Variants in CLVS1 observed in about 807,000 individuals in gnomAD.
The protein encoded by CLVS1 is clavesin-1.
In CLVS1, 10 loss-of-function variants were observed where a neutral mutation model predicts 33.1. That is an observed-to-expected ratio of 0.30 (90% CI 0.19 to 0.51). The LOEUF (loss-of-function observed/expected upper bound fraction) is 0.51, where lower values mean the gene tolerates loss of function less well. Among genes scored for constraint, CLVS1 ranks in the 20% least tolerant of loss-of-function variants. The pLI is 0.97. For synonymous variants in CLVS1, 163 were observed against 166.1 expected (o/e 0.98, Z 0.14); for missense variants, 343 against 433.4 (o/e 0.79, Z 1.85).
At chr8:61,448,957 A>G (rs1263162651) in intron 3 of CLVS1, among the ~76,000 whole-genome samples, 4 of 152,034 alleles carry the variant, frequency 2.6e-5, no homozygotes, top group African/African-American at 9.7e-5. Context: ...TCTTGGTATA[A>G]AGAGTGATTT....
At chr8:61,016,397 G>A in the CLVS1 span, among the ~76,000 whole-genome samples, 99 of 152,332 alleles carry the variant, frequency 6.5e-4, no homozygotes, top group Admixed American at 1.4e-3. Flanking sequence ...ACTCTTAAGA[G>A]GTTTATCTTG....
chr8:61,356,760 T>C (rs1320664573), intron 2 of CLVS1, among the ~76,000 whole-genome samples: 1 of 152,216 alleles, frequency 6.6e-6, no homozygotes, highest in African/African-American at 2.4e-5. Context: ...CTCTGTTCTG[T>C]TCCATTGATC....
At chr8:61,070,621 C>G (rs938376194) in intron 1 of CLVS1, among the ~76,000 whole-genome samples, 1 of 152,236 alleles carries the variant, frequency 6.6e-6, no homozygotes, top group Non-Finnish European at 1.5e-5. Flanking sequence ...AGGAGGATCA[C>G]TTGAGCCCAG....
chr8:61,193,191 TA>T (rs1807530218), intron 2 of CLVS1, among the ~76,000 whole-genome samples: 1 of 152,022 alleles, frequency 6.6e-6, no homozygotes. Context: ...TATGCAGCCA[TA>T]AAAAAGGGTG....
chr8:61,240,432 C>T (rs774047016), intron 2 of CLVS1, among the ~76,000 whole-genome samples: 1 of 152,196 alleles, frequency 6.6e-6, no homozygotes, highest in Non-Finnish European at 1.5e-5. Context: ...CACAATAGCC[C>T]TCTGCCCAGC....
At chr8:61,081,310 G>A (rs76562360) in intron 1 of CLVS1, among the ~76,000 whole-genome samples, 8,883 of 152,186 alleles carry the variant, frequency 0.058, 282 homozygotes, top group Middle Eastern at 0.12. Context: ...GAGGCAGAAT[G>A]TACATGATTT....
At chr8:61,359,557 T>C (rs986507389) in intron 2 of CLVS1, among the ~76,000 whole-genome samples, 2 of 152,148 alleles carry the variant, frequency 1.3e-5, no homozygotes, top group Non-Finnish European at 2.9e-5. Flanking sequence ...GGTTTCACCA[T>C]GTTGGCCAGG....
intron 5 of CLVS1, 157 bp downstream of exon 5, chr8:61,458,699 A>C: frequency 1.7e-6 from 1 of 592,378 alleles, no homozygotes; most frequent in Non-Finnish European, 2.9e-6. Flanking sequence ...TAAAACTGAA[A>C]ACAAATGGGG....
intron 2 of CLVS1, among the ~76,000 whole-genome samples, chr8:61,156,267 A>C (rs955326630): frequency 7.2e-6 from 1 of 139,278 alleles, no homozygotes; most frequent in Admixed American, 7.4e-5. Flanking sequence ...TCACCCTCCC[A>C]TCACCTGGGT....
At position 61,130,240 on chromosome 8, in the gene CLVS1, AAAATAAATAAATAAAT is replaced by A. The variant is rs78418007; in HGVS notation, c.-242-1508_-242-1493del. 5.7e-5 allele frequency among the ~76,000 whole-genome samples: 8 copies of A among 140,090 alleles called. No homozygotes were observed. In the South Asian group the frequency reaches 6.8e-4, roughly 12 times the overall value. The allele number at this position is 140,090 out of a possible 152,430, so 91.9% of individuals were successfully genotyped here. A position where few individuals can be genotyped will look rare whatever the true frequency, so the allele number is the denominator to read the frequency against. The stretch of plus-strand genomic sequence containing the variant: ...GAGACAGAGTGAGACTCTGTCTCAA[AAAATAAATAAATAAAT>A]AAATAAATAAATAAATAAATATAAA... On this transcript the variant is annotated intron_variant, in intron 1 of 2. Transcript: ENST00000522621.
intron 3 of CLVS1, among the ~76,000 whole-genome samples, chr8:61,405,464 G>A (rs548407043): frequency 6.6e-6 from 1 of 152,132 alleles, no homozygotes; most frequent in South Asian, 2.1e-4. Flanking sequence ...CCATTTCTTC[G>A]ACAGAATATT....
intron 2 of CLVS1, among the ~76,000 whole-genome samples, chr8:61,311,769 T>C (rs2129595528): frequency 6.6e-6 from 1 of 152,344 alleles, no homozygotes; most frequent in African/African-American, 2.4e-5. Flanking sequence ...TCTCCTCTGA[T>C]GGCTAGAAGT....
intron 1 of CLVS1, among the ~76,000 whole-genome samples, chr8:61,082,141 T>TA (rs11412947): frequency 0.48 from 72,188 of 150,992 alleles, 19,198 homozygotes; most frequent in African/African-American, 0.72. Flanking sequence ...ATACTAGCAA[T>TA]AAAAAAAAAT....
intron 2 of CLVS1, among the ~76,000 whole-genome samples, chr8:61,360,414 G>A (rs559171717): frequency 5.3e-5 from 8 of 152,168 alleles, no homozygotes; most frequent in African/African-American, 1.7e-4. Flanking sequence ...CAAACATTTT[G>A]TATGCATGCA....
intron 3 of CLVS1, among the ~76,000 whole-genome samples, chr8:61,387,114 G>A (rs191850729): frequency 2.6e-4 from 39 of 152,286 alleles, no homozygotes; most frequent in Admixed American, 6.5e-4. Context: ...AAGACTGGGC[G>A]TGGTGGCTCA....
At chr8:61,395,118 C>T (rs1465727936) in intron 3 of CLVS1, among the ~76,000 whole-genome samples, 2 of 152,094 alleles carry the variant, frequency 1.3e-5, no homozygotes, top group South Asian at 4.1e-4. Flanking sequence ...AAATGGAATA[C>T]TATGCAGCCT....
chr8:61,010,929 A>G, the CLVS1 span, among the ~76,000 whole-genome samples: 5 of 152,114 alleles, frequency 3.3e-5, no homozygotes, highest in African/African-American at 1.2e-4. Context: ...GCATCCCTAC[A>G]TTTCATGCAG....
intron 2 of CLVS1, among the ~76,000 whole-genome samples, chr8:61,367,700 T>G (rs77443465): frequency 0.018 from 2,685 of 152,280 alleles, 41 homozygotes; most frequent in Non-Finnish European, 0.026. Flanking sequence ...CTCCTACAGA[T>G]GAGGGAATGA....
At chr8:61,087,931 C>G (rs7462419) in intron 1 of CLVS1, among the ~76,000 whole-genome samples, 18,069 of 152,194 alleles carry the variant, frequency 0.12, 1,314 homozygotes, top group East Asian at 0.23. Flanking sequence ...TTCCCCAATC[C>G]TATCTTTTGT....
Sources: gnomAD v4.1 joint callset for allele counts (sites outside exome capture counted in the v4.1 genomes callset) on GRCh38, gnomAD v4.1.1 for gene constraint, MANE v1.5 for transcripts, NCBI Gene and HGNC (gene_info 2026-07-23, HGNC 2026-07-21) for gene names.